Variants in SMYD3 observed in about 807,000 individuals in gnomAD.
SMYD3 encodes histone-lysine N-methyltransferase SMYD3.
SMYD3 carries 36 observed loss-of-function variants against 57.7 expected under a neutral mutation model. The observed-to-expected ratio is 0.62, with a 90% CI of 0.48 to 0.82. SMYD3 has a LOEUF of 0.82. Among genes scored for constraint, SMYD3 ranks in the 40% least tolerant of loss-of-function variants. The pLI is 0.00. For missense variants in SMYD3, 515 were observed against 538.8 expected (o/e 0.96, Z 0.44); for synonymous variants, 211 against 195.0 (o/e 1.08, Z -0.68).
chr1:246,392,740 T>G (rs1188475936), intron 1 of SMYD3, among the ~76,000 whole-genome samples: 1 of 150,160 alleles, frequency 6.7e-6, no homozygotes, highest in Admixed American at 6.7e-5. Flanking sequence ...GAGCCCACCA[T>G]GCCTGGCCTT....
intron 5 of SMYD3, among the ~76,000 whole-genome samples, chr1:246,194,726 T>C (rs1424316593): frequency 6.6e-6 from 1 of 152,204 alleles, no homozygotes; most frequent in Admixed American, 6.5e-5. Context: ...TCAGTCACAT[T>C]CAACGCATTT....
intron 1 of SMYD3, among the ~76,000 whole-genome samples, chr1:246,366,026 G>T (rs2066096691): frequency 6.6e-6 from 1 of 152,088 alleles, no homozygotes; most frequent in South Asian, 2.1e-4. Context: ...TAAAAATAAA[G>T]ATCCACAAGT....
At chr1:245,865,948 C>T (rs1428243702) in intron 8 of SMYD3, among the ~76,000 whole-genome samples, 2 of 151,308 alleles carry the variant, frequency 1.3e-5, no homozygotes, top group Non-Finnish European at 2.9e-5. Context: ...GTGTCAGAGA[C>T]AAGAACCACC....
At chr1:245,825,628 G>T (rs773554717) in intron 10 of SMYD3, among the ~76,000 whole-genome samples, 12 of 152,178 alleles carry the variant, frequency 7.9e-5, no homozygotes, top group African/African-American at 2.4e-4. Flanking sequence ...TGTGGGCTTT[G>T]TTGTGGGTAG....
At chr1:246,006,575 G>T (rs1239929481) in intron 5 of SMYD3, among the ~76,000 whole-genome samples, 1 of 141,062 alleles carries the variant, frequency 7.1e-6, no homozygotes, top group East Asian at 2.0e-4. Context: ...ATTCTCAGAA[G>T]ATTTTTTAAA....
chr1:246,060,007 G>T (rs2060222937), intron 5 of SMYD3, among the ~76,000 whole-genome samples: 1 of 152,142 alleles, frequency 6.6e-6, no homozygotes, highest in Non-Finnish European at 1.5e-5. Context: ...AGTTGGCGGG[G>T]CATAATGGCT....
At chr1:246,184,215 G>C (rs1164633860) in intron 5 of SMYD3, among the ~76,000 whole-genome samples, 1 of 152,184 alleles carries the variant, frequency 6.6e-6, no homozygotes, top group Non-Finnish European at 1.5e-5. Context: ...TACACATGCT[G>C]AAAGAATCTA....
At chr1:245,958,755 T>C (rs2057921210) in intron 5 of SMYD3, among the ~76,000 whole-genome samples, 2 of 152,192 alleles carry the variant, frequency 1.3e-5, no homozygotes, top group African/African-American at 4.8e-5. Flanking sequence ...TGACACATCA[T>C]AGGTGCTCCA....
chr1:246,102,273 T>G (rs754908509), intron 5 of SMYD3, among the ~76,000 whole-genome samples: 1 of 152,198 alleles, frequency 6.6e-6, no homozygotes, highest in Non-Finnish European at 1.5e-5. Context: ...AACTCTTTAG[T>G]CTGTCCCCAA....
chr1:246,137,122 C>A (rs867039231), intron 5 of SMYD3, among the ~76,000 whole-genome samples: 1 of 152,078 alleles, frequency 6.6e-6, no homozygotes, highest in Non-Finnish European at 1.5e-5. Flanking sequence ...ATATAAGTCA[C>A]GTGCTGTAAT....
At chr1:246,476,767 T>C (rs2068035244) in intron 1 of SMYD3, among the ~76,000 whole-genome samples, 2 of 152,326 alleles carry the variant, frequency 1.3e-5, no homozygotes, top group South Asian at 4.1e-4. Context: ...TTTCTTCCTG[T>C]CCCCATACAA....
intron 1 of SMYD3, among the ~76,000 whole-genome samples, chr1:246,386,990 G>A (rs2066494162): frequency 6.6e-6 from 1 of 152,048 alleles, no homozygotes; most frequent in Non-Finnish European, 1.5e-5. Context: ...TATCCTTTGG[G>A]GAACTACCTA....
chr1:245,807,231 C>T (rs375204696), intron 10 of SMYD3, among the ~76,000 whole-genome samples: 1 of 152,142 alleles, frequency 6.6e-6, no homozygotes, highest in Non-Finnish European at 1.5e-5. Context: ...TACACAGAGA[C>T]CATGCTGCTG....
Position 245,776,292 on chromosome 1 carries a change from G to T in SMYD3, c.1077-12143C>A, listed in dbSNP as rs547004687. 3.3e-5 allele frequency among the ~76,000 whole-genome samples: 5 copies of T among 152,196 alleles called. No individual in the cohort carries two copies. In the South Asian group the frequency reaches 1.0e-3, roughly 32 times the overall value. On this transcript the variant is annotated intron_variant, in intron 10 of 11. Coordinates refer to ENST00000490107, the MANE Select transcript of SMYD3 (RefSeq NM_001167740.2). ...AAGCCAGTTTGCGGAGAGCAGTCAG[G>T]TTAATAGGTAATCTAGGGATTTAAC...
At chr1:245,870,005 C>T (rs2052092952) in intron 8 of SMYD3, among the ~76,000 whole-genome samples, 1 of 152,212 alleles carries the variant, frequency 6.6e-6, no homozygotes, top group South Asian at 2.1e-4. Context: ...GGATTGCCTC[C>T]CCAGGTATCC....
At chr1:245,840,826 C>T (rs986287580) in intron 10 of SMYD3, among the ~76,000 whole-genome samples, 19 of 151,392 alleles carry the variant, frequency 1.3e-4, no homozygotes, top group African/African-American at 4.1e-4. Flanking sequence ...GAGAAGAAAC[C>T]CACTGCTTTT....
chr1:246,241,468 T>C (rs542345111), intron 5 of SMYD3, among the ~76,000 whole-genome samples: 1 of 152,360 alleles, frequency 6.6e-6, no homozygotes, highest in East Asian at 1.9e-4. Context: ...GATAAGCTTT[T>C]TGATGTGCTG....
intron 5 of SMYD3, among the ~76,000 whole-genome samples, chr1:245,964,823 C>G (rs1365322719): frequency 6.7e-6 from 1 of 149,188 alleles, no homozygotes; most frequent in African/African-American, 2.5e-5. Context: ...TATCCAAGAA[C>G]TGTAGGACAA....
At chr1:246,474,943 G>A (rs2068008497) in intron 1 of SMYD3, among the ~76,000 whole-genome samples, 1 of 152,172 alleles carries the variant, frequency 6.6e-6, no homozygotes, top group African/African-American at 2.4e-5. Flanking sequence ...TCAGATTAAG[G>A]AGGGTGTCGC....
Sources: gnomAD v4.1 joint callset for allele counts (sites outside exome capture counted in the v4.1 genomes callset) on GRCh38, gnomAD v4.1.1 for gene constraint, MANE v1.5 for transcripts, NCBI Gene and HGNC (gene_info 2026-07-23, HGNC 2026-07-21) for gene names.